WDR41: variants seen among roughly 807,000 people sequenced by gnomAD.
The protein encoded by WDR41 is WD repeat domain 41, also known as WD repeat-containing protein 41.
In WDR41, 63 loss-of-function variants were observed where a neutral mutation model predicts 69.3. The ratio of observed to expected loss-of-function variants is 0.91; its 90% CI spans 0.74 to 1.12. WDR41 has a LOEUF of 1.12. WDR41 is among the 50% of genes most tolerant of loss of function. The pLI, the probability that WDR41 is intolerant of heterozygous loss-of-function variation, is 0.00. For synonymous variants in WDR41, 185 were observed against 192.1 expected, an observed-to-expected ratio of 0.96 and a Z score of 0.31; for missense variants, 543 against 534.5, an observed-to-expected ratio of 1.02 and a Z score of -0.16.
intron 1 of WDR41, among the ~76,000 whole-genome samples, chr5:77,612,616 A>G (rs1396345632): frequency 2.0e-5 from 3 of 152,246 alleles, no homozygotes; most frequent in Non-Finnish European, 4.4e-5. Flanking sequence ...AAAACTCTCA[A>G]TAAATTAGGT....
At chr5:77,561,284 A>G (rs1444341639) in intron 1 of WDR41, among the ~76,000 whole-genome samples, 1 of 152,140 alleles carries the variant, frequency 6.6e-6, no homozygotes, top group Non-Finnish European at 1.5e-5. Flanking sequence ...TTTTGCATAT[A>G]AGTTTTTCAT....
intron 2 of WDR41, among the ~76,000 whole-genome samples, chr5:77,475,235 G>A (rs960865032): frequency 6.6e-6 from 1 of 152,206 alleles, no homozygotes; most frequent in Non-Finnish European, 1.5e-5. Context: ...CAGCCAGGCT[G>A]GGGGAGGGGC....
chr5:77,533,180 A>G (rs911536713), intron 1 of WDR41, among the ~76,000 whole-genome samples: 1 of 152,174 alleles, frequency 6.6e-6, no homozygotes, highest in Admixed American at 6.5e-5. Flanking sequence ...TGGCGGCCCC[A>G]CTTCTAAATA....
intron 1 of WDR41, among the ~76,000 whole-genome samples, chr5:77,608,578 G>T (rs1199951862): frequency 2.0e-5 from 3 of 152,234 alleles, no homozygotes; most frequent in African/African-American, 4.8e-5. Flanking sequence ...ATTAGATAGT[G>T]CATATACAGA....
At chr5:77,555,376 A>G (rs919750640) in intron 1 of WDR41, among the ~76,000 whole-genome samples, 1 of 152,170 alleles carries the variant, frequency 6.6e-6, no homozygotes, top group African/African-American at 2.4e-5. Flanking sequence ...TGGCATGATC[A>G]CGGCTCACTG....
intron 2 of WDR41, among the ~76,000 whole-genome samples, chr5:77,479,905 A>G (rs1801141926): frequency 1.3e-5 from 2 of 151,932 alleles, no homozygotes; most frequent in South Asian, 4.2e-4. Flanking sequence ...AATGGGAGAA[A>G]ATTTTCGCAA....
At chr5:77,596,806 ATCTTG>A (rs1744235894) in intron 1 of WDR41, among the ~76,000 whole-genome samples, 1 of 152,178 alleles carries the variant, frequency 6.6e-6, no homozygotes, top group Non-Finnish European at 1.5e-5. Context: ...GGTAGATAAC[ATCTTG>A]TCTTATTATG....
chr5:77,531,019 A>G (rs1802521062), intron 1 of WDR41, among the ~76,000 whole-genome samples: 1 of 151,858 alleles, frequency 6.6e-6, no homozygotes, highest in Non-Finnish European at 1.5e-5. Context: ...AAATGTATCA[A>G]TCACCTAAAT....
intron 1 of WDR41, among the ~76,000 whole-genome samples, chr5:77,549,756 T>C (rs1474489964): frequency 6.6e-6 from 1 of 152,094 alleles, no homozygotes; most frequent in Non-Finnish European, 1.5e-5. Context: ...TTTCACAGAA[T>C]TAGAAAAAAC....
chr5:77,570,093 A>G (rs1248129564), intron 1 of WDR41, among the ~76,000 whole-genome samples: 3 of 152,148 alleles, frequency 2.0e-5, no homozygotes, highest in Non-Finnish European at 4.4e-5. Context: ...ATACCTTCCT[A>G]GATAAAAATA....
chr5:77,462,956 C>A (rs1800136324), intron 4 of WDR41, 139 bp downstream of exon 4: 1 of 868,280 alleles, frequency 1.2e-6, no homozygotes, highest in Non-Finnish European at 1.7e-6. Context: ...TAAATGGTAT[C>A]TTATAAGTAA....
chr5:77,608,293 G>A (rs544333823), intron 1 of WDR41, among the ~76,000 whole-genome samples: 1 of 152,268 alleles, frequency 6.6e-6, no homozygotes, highest in East Asian at 1.9e-4. Flanking sequence ...GTAAAATGTT[G>A]ATAGGGAATT....
chr5:77,540,537 CTA>C (rs1172271976), intron 1 of WDR41: 1 of 152,136 alleles, frequency 6.6e-6, no homozygotes, highest in Non-Finnish European at 1.5e-5. Context: ...AACTCCGTCT[CTA>C]TAAAAAATAA....
At chr5:77,451,591 T>C (rs1352040660) in intron 6 of WDR41, 1 of 417,120 alleles carries the variant, frequency 2.4e-6, no homozygotes, top group Non-Finnish European at 4.3e-6. Context: ...TTGGGTTTTT[T>C]TGTACTTTTT....
chr5:77,580,611 G>A (rs1051313021), intron 1 of WDR41, among the ~76,000 whole-genome samples: 9 of 151,810 alleles, frequency 5.9e-5, no homozygotes, highest in East Asian at 1.9e-4. Context: ...AGAAAAATAC[G>A]CTTAATGCAA....
At chr5:77,615,682 C>T (rs950412681) in intron 1 of WDR41, among the ~76,000 whole-genome samples, 1 of 54,098 alleles carries the variant, frequency 1.8e-5, no homozygotes, top group Non-Finnish European at 3.3e-5. Context: ...AAAATTACTG[C>T]AAGTCAAAAA....
At chr5:77,545,504 AG>A in intron 1 of WDR41, 1 of 234,504 alleles carries the variant, frequency 4.3e-6, no homozygotes, top group Non-Finnish European at 8.2e-6. Context: ...ATCCAGGGCC[AG>A]GGTCGCAGCC....
At chr5:77,473,877 C>T (rs1310210437) in intron 2 of WDR41, among the ~76,000 whole-genome samples, 7 of 152,116 alleles carry the variant, frequency 4.6e-5, no homozygotes, top group African/African-American at 9.7e-5. Flanking sequence ...GTCAGTGTGG[C>T]GATTCCTCAG....
chr5:77,529,660 T>C (rs931740385), intron 1 of WDR41, among the ~76,000 whole-genome samples: 1 of 151,536 alleles, frequency 6.6e-6, no homozygotes, highest in Admixed American at 6.6e-5. Context: ...GGTATTGGTA[T>C]GAAGACAGAC....
Sources: gnomAD v4.1 joint callset for allele counts (sites outside exome capture counted in the v4.1 genomes callset) on GRCh38, gnomAD v4.1.1 for gene constraint, MANE v1.5 for transcripts, NCBI Gene and HGNC (gene_info 2026-07-23, HGNC 2026-07-21) for gene names.